The following NLGN1 variants were observed in gnomAD, a reference collection of about 807,000 sequenced individuals.
NLGN1 encodes neuroligin-1.
Under a neutral mutation model 65.5 loss-of-function variants are expected in NLGN1, and 12 were observed. The ratio of observed to expected loss-of-function variants is 0.18; its 90% confidence interval spans 0.12 to 0.30. The LOEUF (loss-of-function observed/expected upper bound fraction) is 0.30. Among genes scored for constraint, NLGN1 ranks in the 10% least tolerant of loss-of-function variants. The probability of loss-of-function intolerance (pLI) is 1.00; values close to 1 mark genes in which losing one functional copy is unlikely to be tolerated. For synonymous variants in NLGN1, 350 were observed against 359.5 expected (o/e 0.97, Z 0.30); for missense variants, 750 against 1,007.1 (o/e 0.74, Z 3.46).
intron 5 of NLGN1, among the ~76,000 whole-genome samples, 160 bp from the exon 6 acceptor site, chr3:174,278,701 C>A (rs1256150316): frequency 6.6e-6 from 1 of 151,928 alleles, no homozygotes; most frequent in South Asian, 2.1e-4. Flanking sequence ...TTATACCCTG[C>A]GGTTGGCTTT....
intron 4 of NLGN1, among the ~76,000 whole-genome samples, chr3:173,843,318 C>T (rs1197093519): frequency 1.4e-5 from 2 of 147,948 alleles, no homozygotes; most frequent in Non-Finnish European, 2.9e-5. Context: ...GACATTTTTC[C>T]TATTGTCTTG....
intron 4 of NLGN1, among the ~76,000 whole-genome samples, chr3:173,870,917 G>A (rs1731051488): frequency 6.6e-6 from 1 of 152,146 alleles, no homozygotes; most frequent in African/African-American, 2.4e-5. Context: ...AATTTCCTAG[G>A]TGATATGAGG....
At chr3:174,245,097 A>G (rs1208154235) in intron 4 of NLGN1, among the ~76,000 whole-genome samples, 1 of 152,122 alleles carries the variant, frequency 6.6e-6, no homozygotes, top group Non-Finnish European at 1.5e-5. Context: ...CATCTGTGCA[A>G]TCTATTTCTA....
intron 3 of NLGN1, among the ~76,000 whole-genome samples, chr3:173,683,652 CTTACT>C (rs796425187): frequency 2.6e-5 from 4 of 152,206 alleles, no homozygotes; most frequent in African/African-American, 9.6e-5. Flanking sequence ...ATTATTTATT[CTTACT>C]TTACTTCAGA....
At chr3:173,948,921 A>G (rs1234826375) in intron 4 of NLGN1, among the ~76,000 whole-genome samples, 1 of 152,128 alleles carries the variant, frequency 6.6e-6, no homozygotes, top group African/African-American at 2.4e-5. Flanking sequence ...TATATTTTAA[A>G]TAATTATTTT....
At chr3:173,698,283 G>A (rs922400688) in intron 3 of NLGN1, among the ~76,000 whole-genome samples, 1 of 152,154 alleles carries the variant, frequency 6.6e-6, no homozygotes, top group African/African-American at 2.4e-5. Flanking sequence ...GGAAAGAAGG[G>A]CATCACGTTG....
At chr3:174,247,226 C>T (rs1271505184) in intron 4 of NLGN1, among the ~76,000 whole-genome samples, 1 of 152,154 alleles carries the variant, frequency 6.6e-6, no homozygotes, top group Non-Finnish European at 1.5e-5. Flanking sequence ...TTTGACAGAA[C>T]TGTGTCCATT....
intron 2 of NLGN1, among the ~76,000 whole-genome samples, chr3:173,436,598 A>G (rs1015919244): frequency 2.0e-5 from 3 of 152,192 alleles, no homozygotes; most frequent in African/African-American, 7.2e-5. Flanking sequence ...AACTCAACCC[A>G]GCCAGATCCA....
intron 4 of NLGN1, among the ~76,000 whole-genome samples, chr3:174,052,286 AT>A: frequency 1.3e-5 from 2 of 152,152 alleles, no homozygotes; most frequent in Admixed American, 1.3e-4. Context: ...ACAAATTCAG[AT>A]GATTTGGGGC....
chr3:173,592,029 T>C (rs958234815), intron 2 of NLGN1, among the ~76,000 whole-genome samples: 1 of 152,192 alleles, frequency 6.6e-6, no homozygotes, highest in African/African-American at 2.4e-5. Flanking sequence ...GTTTTAAAAA[T>C]GTATCCTGTG....
rs191516642 is a variant in NLGN1, at chr3:173,676,570, C to A, written c.493+71479C>A. Among the ~76,000 whole-genome samples the A allele has an allele frequency of 1.7e-4, 26 of 151,806 alleles. No individual in the cohort carries two copies. In the East Asian group the frequency reaches 5.0e-3, roughly 29 times the overall value. On this transcript the variant is annotated intron_variant, in intron 3 of 6. Transcript: ENST00000457714. ...TGAATAAAATATTTTTATGTATATA[C>A]CTTTGATGTACTTTTTGTATAAATT...
At chr3:173,951,515 T>A (rs1334175871) in intron 4 of NLGN1, among the ~76,000 whole-genome samples, 1 of 150,964 alleles carries the variant, frequency 6.6e-6, no homozygotes, top group Non-Finnish European at 1.5e-5. Flanking sequence ...CAGGCTGGAG[T>A]GCAGTGGTGC....
At chr3:173,430,283 T>G (rs504660) in intron 1 of NLGN1, among the ~76,000 whole-genome samples, 47,771 of 151,932 alleles carry the variant, frequency 0.31, 7,975 homozygotes, top group Middle Eastern at 0.43. Context: ...TTCTGGGATG[T>G]CCCTGGTGAT....
At chr3:173,453,789 A>G (rs1722045295) in intron 2 of NLGN1, among the ~76,000 whole-genome samples, 1 of 152,140 alleles carries the variant, frequency 6.6e-6, no homozygotes, top group African/African-American at 2.4e-5. Flanking sequence ...TTGACCTCTC[A>G]AAGTCATCCA....
chr3:174,259,120 A>C (rs896783022), intron 4 of NLGN1, among the ~76,000 whole-genome samples: 4 of 152,170 alleles, frequency 2.6e-5, no homozygotes, highest in Admixed American at 2.0e-4. Context: ...AAAAAATCTT[A>C]AGATATTAGA....
intron 4 of NLGN1, among the ~76,000 whole-genome samples, chr3:174,136,931 GA>G (rs1721328023): frequency 6.6e-6 from 1 of 152,080 alleles, no homozygotes; most frequent in Non-Finnish European, 1.5e-5. Flanking sequence ...ACCGTAAATG[GA>G]AAGTGCATTT....
intron 4 of NLGN1, among the ~76,000 whole-genome samples, chr3:173,850,316 T>C (rs1378995996): frequency 6.6e-6 from 1 of 152,200 alleles, no homozygotes; most frequent in Non-Finnish European, 1.5e-5. Context: ...AATGACTATA[T>C]GTATTGATGC....
intron 2 of NLGN1, among the ~76,000 whole-genome samples, chr3:173,584,244 G>A (rs77209858): frequency 0.052 from 4,123 of 79,114 alleles, 82 homozygotes; most frequent in East Asian, 0.17. Flanking sequence ...GGGGCAGAAA[G>A]AAAAAAAAAA....
chr3:173,560,374 A>T lies in NLGN1; in HGVS notation c.-320-43905A>T, dbSNP rs374332141. Among the ~76,000 whole-genome samples the T allele has an allele frequency of 5.9e-5, 9 of 152,152 alleles. No homozygotes were observed. In the East Asian group the frequency reaches 9.6e-4, roughly 16 times the overall value. On this transcript the variant is annotated intron_variant, in intron 2 of 6. Transcript: ENST00000457714. ...AGCAAGGAAGAAAAGGAAGGAAGGAAGAAAGAGAAGGAAATGAAAAAGGGA... is the reference window on the plus strand; with the variant it reads ...AGCAAGGAAGAAAAGGAAGGAAGGATGAAAGAGAAGGAAATGAAAAAGGGA...
Sources: allele counts gnomAD v4.1 joint callset (sites outside exome capture counted in the v4.1 genomes callset), GRCh38; gene constraint gnomAD v4.1.1; transcripts MANE v1.5; gene names NCBI Gene and HGNC (gene_info 2026-07-23, HGNC 2026-07-21).